SMAD7: variants seen among roughly 807,000 people sequenced by gnomAD.
SMAD7 encodes SMAD family member 7.
In SMAD7, 8 loss-of-function variants were observed where a neutral mutation model predicts 38.7. The ratio of observed to expected loss-of-function variants is 0.21; its 90% confidence interval spans 0.12 to 0.37. The LOEUF is 0.37. SMAD7 is among the 10% of genes least tolerant of loss of function. The pLI, the probability that SMAD7 is intolerant of heterozygous loss-of-function variation, is 1.00. For synonymous variants in SMAD7, 327 were observed against 265.1 expected (o/e 1.23, Z -2.27); for missense variants, 477 against 577.9 (o/e 0.83, Z 1.79).
chr18:48,937,797 A>G (rs576589640), intron 3 of SMAD7, among the ~76,000 whole-genome samples: 1 of 152,348 alleles, frequency 6.6e-6, no homozygotes, highest in African/African-American at 2.4e-5. Context: ...GCTCATGGTC[A>G]CAAGCACCTG....
At chr18:48,945,545 C>A (rs546317357) in intron 2 of SMAD7, among the ~76,000 whole-genome samples, 2 of 152,270 alleles carry the variant, frequency 1.3e-5, no homozygotes, top group South Asian at 2.1e-4. Flanking sequence ...ATGACTGAAC[C>A]AATGAATGAA....
At chr18:48,936,363 C>T (rs1262427739) in intron 3 of SMAD7, among the ~76,000 whole-genome samples, 1 of 152,148 alleles carries the variant, frequency 6.6e-6, no homozygotes, top group East Asian at 1.9e-4. Context: ...TGGTAAAATA[C>T]ACATAACTTA....
intron 3 of SMAD7, among the ~76,000 whole-genome samples, chr18:48,936,677 A>G (rs956823032): frequency 2.0e-5 from 3 of 152,194 alleles, no homozygotes; most frequent in Admixed American, 6.5e-5. Context: ...GGTGAAGACA[A>G]CTGCTTTGAG....
chr18:48,937,400 C>T (rs771390631), intron 3 of SMAD7, among the ~76,000 whole-genome samples: 9 of 152,074 alleles, frequency 5.9e-5, no homozygotes, highest in Non-Finnish European at 8.8e-5. Flanking sequence ...TTTGCTGGCC[C>T]AGTTCAGCCT....
intron 2 of SMAD7, among the ~76,000 whole-genome samples, chr18:48,947,895 C>A (rs569025139): frequency 7.1e-6 from 1 of 140,896 alleles, no homozygotes; most frequent in Non-Finnish European, 1.6e-5. Flanking sequence ...GGAACCTACC[C>A]CCCCCCCCCT....
In SMAD7 at chr18:48,929,205, T is replaced by C. The variant is rs536794816; in HGVS notation, c.743-7295A>G. ...TGGTACACCAACCAGGTTCCCACTGTTACCCCCCAAGTAACTCAGAGCAGC... is the reference window on the plus strand; with the variant it reads ...TGGTACACCAACCAGGTTCCCACTGCTACCCCCCAAGTAACTCAGAGCAGC... On this transcript the variant is annotated intron_variant, in intron 3 of 3. Transcript: ENST00000262158. Among the ~76,000 whole-genome samples the C allele has an allele frequency of 7.2e-5, 11 of 152,300 alleles. No homozygotes were observed. In the South Asian group the frequency reaches 1.7e-3, roughly 23 times the overall value.
rs999448262 is a variant in SMAD7 at position 48,942,330 on chromosome 18, T to A, written c.742+151A>T. 19 of 632,262 alleles carry A rather than the reference T, an allele frequency of 3.0e-5. 1 individual carries two copies. In the South Asian group the frequency reaches 3.0e-4, roughly 10 times the overall value. The allele number at this position is 632,262 out of a possible 1,614,324, so 39.2% of individuals were successfully genotyped here. ...GATGAGGAGCTGAAGGGCACCACAA[T>A]GTCACCACCGATGCATCCAACTTAA... On this transcript the variant is annotated intron_variant, in intron 3 of 3. Transcript: ENST00000262158.
intron 3 of SMAD7, among the ~76,000 whole-genome samples, chr18:48,939,289 T>C (rs2070108383): frequency 6.6e-6 from 1 of 151,866 alleles, no homozygotes; most frequent in African/African-American, 2.4e-5. Context: ...CTTCTAAAAA[T>C]GTCCCATTTT....
At chr18:48,947,340 G>A (rs376666046) in intron 2 of SMAD7, among the ~76,000 whole-genome samples, 2 of 152,136 alleles carry the variant, frequency 1.3e-5, no homozygotes, top group African/African-American at 4.8e-5. Flanking sequence ...TTATGACAAC[G>A]CCCCAGCAAA....
intron 3 of SMAD7, among the ~76,000 whole-genome samples, chr18:48,936,657 T>C (rs1205368208): frequency 2.6e-5 from 4 of 152,212 alleles, no homozygotes; most frequent in Admixed American, 2.6e-4. Flanking sequence ...ACCTTTTTTT[T>C]CTTCTGCCAG....
chr18:48,921,778 T>G lies in SMAD7; in HGVS notation c.875A>C (p.Gln292Pro). Residue 292 changes from glutamine (Q) to proline (P), a missense_variant, in exon 4 of 4, where the codon CAG (glutamine) becomes CCG (proline). Around this residue, in one of 2 missense-constraint regions of SMAD7, gnomAD observed 101 missense variants for 198.5 expected, o/e 0.51. Coordinates refer to ENST00000262158, the MANE Select transcript of SMAD7 (RefSeq NM_005904.4). This position sits in a 1 kb window ranked among gnomAD's most constrained non-coding sequence, Gnocchi z 6.4. ...CTGTCCGAGGCAAAAGCCATTCCCC[T>G]GAGGTAGATCATAGAAGATATCCAG... ...PSLDIFYDLP[Q>P]GNGFCLGQLN... The G allele has an allele frequency of 6.2e-7, 1 of 1,614,194 alleles. No homozygotes were observed. Among genetic ancestry groups the G allele is most frequent in the Non-Finnish European group, 8.5e-7 (1 of 1,180,034 alleles).
chr18:48,927,929 G>T (rs1020468479), intron 3 of SMAD7, among the ~76,000 whole-genome samples: 1 of 152,216 alleles, frequency 6.6e-6, no homozygotes, highest in African/African-American at 2.4e-5. Context: ...GTCACTGGCC[G>T]AAGTGCAGAG....
Position 48,920,334 on chromosome 18 carries a change from G to T in SMAD7, c.*1038C>A, listed in dbSNP as rs988075875. 5 of 152,678 alleles carry T rather than the reference G, an allele frequency of 3.3e-5. No homozygotes were observed. Among genetic ancestry groups the T allele is most frequent in the African/African-American group, 1.2e-4 (5 of 41,462 alleles). 9.5% of individuals were successfully genotyped at this position (152,678 alleles called of 1,614,324 possible). ...ATGAGTTGTAGAAGAAATGAAAGAA[G>T]AGTTAGGTGTCAGCCTAGGATGGTA... On this transcript the variant is annotated 3_prime_UTR_variant, in exon 4 of 4. Transcript: ENST00000262158.
intron 3 of SMAD7, among the ~76,000 whole-genome samples, chr18:48,939,131 C>T (rs971068760): frequency 2.0e-5 from 3 of 152,160 alleles, no homozygotes; most frequent in South Asian, 4.1e-4. Context: ...TCTATCTGTA[C>T]GTCTGCGGCA....
intron 3 of SMAD7, among the ~76,000 whole-genome samples, chr18:48,928,447 CT>C (rs776259036): frequency 1.3e-3 from 190 of 149,230 alleles, no homozygotes; most frequent in African/African-American, 3.6e-3. Flanking sequence ...TCTAAACCAA[CT>C]TTTTTTTTTC....
At chr18:48,924,078 C>T (rs1416020396) in intron 3 of SMAD7, among the ~76,000 whole-genome samples, 2 of 152,180 alleles carry the variant, frequency 1.3e-5, no homozygotes. Context: ...AAGCCCTCTT[C>T]CGGGAGGCAC....
chr18:48,947,134 G>A (rs889015400), intron 2 of SMAD7, among the ~76,000 whole-genome samples: 2 of 152,160 alleles, frequency 1.3e-5, no homozygotes, highest in Non-Finnish European at 2.9e-5. Context: ...ACAGAGAGCT[G>A]GGTATCTCCT....
In SMAD7 at chr18:48,920,219, T is replaced by C. The variant is rs16950113; in HGVS notation, c.*1153A>G. The C allele has an allele frequency of 0.05, 7,588 of 152,728 alleles. 285 individuals are homozygous for C. The highest frequency in any genetic ancestry group is 0.21 in the South Asian group (1,020 of 4,828). 9.5% of individuals were successfully genotyped at this position (152,728 alleles called of 1,614,324 possible). A position where few individuals can be genotyped will look rare whatever the true frequency, so the allele number is the denominator to read the frequency against. Reference sequence around the variant, plus strand: ...CCAATGAGAATGCTTCTCTTGTTCATTTAAACCTTTGTAGTTAGAAAAATA... The same window carrying C: ...CCAATGAGAATGCTTCTCTTGTTCACTTAAACCTTTGTAGTTAGAAAAATA... On this transcript the variant is annotated 3_prime_UTR_variant, in exon 4 of 4. Transcript: ENST00000262158.
At chr18:48,931,845 A>G (rs1261152064) in intron 3 of SMAD7, among the ~76,000 whole-genome samples, 1 of 152,244 alleles carries the variant, frequency 6.6e-6, no homozygotes, top group Non-Finnish European at 1.5e-5. Flanking sequence ...AAAGTGGAGG[A>G]TGCTGGCCCC....
Sources: allele counts gnomAD v4.1 joint callset (sites outside exome capture counted in the v4.1 genomes callset), GRCh38; gene constraint gnomAD v4.1.1; regional missense constraint gnomAD v4.1.1; non-coding constraint Gnocchi (gnomAD v3.1); transcripts MANE v1.5; gene names NCBI Gene and HGNC (gene_info 2026-07-23, HGNC 2026-07-21).